PDK4: variants seen among roughly 807,000 people sequenced by gnomAD.
PDK4 encodes pyruvate dehydrogenase kinase 4.
A neutral mutation model predicts 51.7 loss-of-function variants in PDK4; 43 were observed. That is an observed-to-expected ratio of 0.83 (90% CI 0.65 to 1.07). PDK4 has a LOEUF of 1.07. Ranked by LOEUF, PDK4 falls within the 50% of genes least tolerant of loss-of-function variation. PDK4 has a pLI of 0.00. For synonymous variants in PDK4, 170 were observed against 176.6 expected (o/e 0.96, Z 0.30); for missense variants, 498 against 503.5 (o/e 0.99, Z 0.10).
chr7:95,593,911 G>A, intron 2 of PDK4, 141 bp from the exon 3 acceptor site: 1 of 420,104 alleles, frequency 2.4e-6, no homozygotes, highest in South Asian at 8.0e-5. Context: ...CAGAACATTT[G>A]GAAAATAATA....
intron 7 of PDK4, 99 bp from the exon 8 acceptor site, chr7:95,587,924 A>C (rs1791507634): frequency 1.3e-6 from 1 of 758,678 alleles, no homozygotes; most frequent in African/African-American, 1.8e-5. Context: ...ACAGAGGGTA[A>C]TTCAAAGTTC....
chr7:95,587,782 G>A lies in PDK4; in HGVS notation c.815C>T (p.Ser272Phe). 2 of 1,613,654 alleles carry A rather than the reference G, an allele frequency of 1.2e-6. No homozygotes were observed. The highest frequency in any genetic ancestry group is 1.7e-6 in the Non-Finnish European group (2 of 1,179,606). Residue 272 changes from serine to phenylalanine, a missense_variant, in exon 8 of 11, where the codon TCC becomes TTC. By Grantham distance (155) the Ser-to-Phe change is radical. Transcript: ENST00000005178. ...ATVEHQENQPSLTPIEVIVVL... is the reference protein window; with the variant it reads ...ATVEHQENQPFLTPIEVIVVL... ...AACAATAACCTCTATTGGTGTAAGGGAAGGCTGATTTTCCTGGTGTTCAAC... is the reference window on the plus strand; with the variant it reads ...AACAATAACCTCTATTGGTGTAAGGAAAGGCTGATTTTCCTGGTGTTCAAC...
At chr7:95,589,277 G>A (rs887784319) in intron 7 of PDK4, among the ~76,000 whole-genome samples, 1 of 152,132 alleles carries the variant, frequency 6.6e-6, no homozygotes, top group Non-Finnish European at 1.5e-5. Context: ...ACCAGCCTGT[G>A]GGGGTGGAGG....
rs761757125 is a variant in PDK4 at position 95,585,626 on chromosome 7, C to G, written c.*15G>C. 6.3e-7 allele frequency: 1 copy of G among 1,599,430 alleles called. No individual in the cohort carries two copies. The highest frequency in any genetic ancestry group is 1.1e-5 in the South Asian group (1 of 89,330). On this transcript the variant is annotated 3_prime_UTR_variant, in exon 11 of 11. Coordinates refer to ENST00000005178, the MANE Select transcript of PDK4 (RefSeq NM_002612.4). ...GACCCACTTTGATCCCGTAAAGTGT[C>G]CTGAGTGTCCCTCTTCACATGGCCA...
At chr7:95,594,290 T>C (rs1185443763) in intron 2 of PDK4, among the ~76,000 whole-genome samples, 1 of 152,220 alleles carries the variant, frequency 6.6e-6, no homozygotes. Context: ...TACCTGTGCA[T>C]ATCCTGCTTC....
chr7:95,589,697 T>C lies in PDK4; in HGVS notation c.714A>G (p.Pro238=). ...TQVNGKFPDQ[P]IHIVYVPSHL... Reference sequence around the variant, plus strand: ...GAGAAGGAACATACACGATGTGAATTGGTTGGTCTGGAAATTTTCCTAGAA... The same window carrying C: ...GAGAAGGAACATACACGATGTGAATCGGTTGGTCTGGAAATTTTCCTAGAA... The change falls in exon 7 of 11, where the codon CCA becomes CCG. Residue 238 remains proline, a synonymous_variant. Coordinates refer to ENST00000005178, the MANE Select transcript of PDK4 (RefSeq NM_002612.4). 1 of 1,582,902 alleles carries C rather than the reference T, an allele frequency of 6.3e-7. No homozygotes were observed. Among genetic ancestry groups the C allele is most frequent in the Non-Finnish European group, 8.7e-7 (1 of 1,152,322 alleles).
rs113782639 is a variant in PDK4, at chr7:95,591,521, A to T, written c.694+467T>A. On this transcript the variant is annotated intron_variant, in intron 6 of 10. Transcript: ENST00000005178. ...ACTACCATTCTACTCTGCTTCTGTG[A>T]GTGTGACCATTTTATACATCTCATA... 1.4e-4 allele frequency among the ~76,000 whole-genome samples: 21 copies of T among 152,258 alleles called. 1 individual carries two copies. Among genetic ancestry groups the T allele is most frequent in the African/African-American group, 5.1e-4 (21 of 41,554 alleles).
At position 95,587,785 on chromosome 7, in the gene PDK4, G is replaced by A; in HGVS notation, c.812C>T (p.Pro271Leu). The change falls in exon 8 of 11, where the codon CCT becomes CTT. Residue 271 changes from proline to leucine, a missense_variant. By Grantham distance (98) the Pro-to-Leu change is moderately conservative. Transcript: ENST00000005178. ...RATVEHQENQ[P>L]SLTPIEVIVV... is the part of the protein sequence containing the mutation. Reference sequence around the variant, plus strand: ...AATAACCTCTATTGGTGTAAGGGAAGGCTGATTTTCCTGGTGTTCAACTGT... The same window carrying A: ...AATAACCTCTATTGGTGTAAGGGAAAGCTGATTTTCCTGGTGTTCAACTGT... 1 of 1,613,632 alleles carries A rather than the reference G, an allele frequency of 6.2e-7. No individual in the cohort carries two copies. Among genetic ancestry groups the A allele is most frequent in the African/African-American group, 1.3e-5 (1 of 75,040 alleles).
intron 1 of PDK4, 98 bp from the exon 2 acceptor site, chr7:95,595,262 T>C (rs1429542411): frequency 5.6e-6 from 4 of 710,454 alleles, no homozygotes; most frequent in Non-Finnish European, 8.8e-6. Context: ...ACATATATTA[T>C]AAAATTATAT....
At chr7:95,589,846 C>T (rs1209194748) in intron 6 of PDK4, 130 bp from the exon 7 acceptor site, 2 of 616,928 alleles carry the variant, frequency 3.2e-6, no homozygotes, top group Non-Finnish European at 5.9e-6. Flanking sequence ...TCCCCAAATC[C>T]TGCCCTAGAA....
chr7:95,595,981 C>G (rs527260202), intron 1 of PDK4, among the ~76,000 whole-genome samples, 183 bp downstream of exon 1: 1 of 152,242 alleles, frequency 6.6e-6, no homozygotes, highest in African/African-American at 2.4e-5. Flanking sequence ...CTGGAGGCAC[C>G]CCTGTCAGAA....
chr7:95,590,553 C>G (rs1435903303), intron 6 of PDK4, among the ~76,000 whole-genome samples: 1 of 152,096 alleles, frequency 6.6e-6, no homozygotes, highest in African/African-American at 2.4e-5. Flanking sequence ...TTATTTTGTC[C>G]AACAGTTGGA....
intron 2 of PDK4, among the ~76,000 whole-genome samples, chr7:95,594,038 AT>A (rs1791584572): frequency 6.6e-6 from 1 of 152,168 alleles, no homozygotes; most frequent in Admixed American, 6.5e-5. Context: ...TGTTTGGCAA[AT>A]ATTTTCATTT....
chr7:95,595,495 A>G (rs1329693943), intron 1 of PDK4, among the ~76,000 whole-genome samples: 1 of 152,172 alleles, frequency 6.6e-6, no homozygotes, highest in African/African-American at 2.4e-5. Flanking sequence ...TCACACCACA[A>G]TGTCAACAAC....
Position 95,589,670 on chromosome 7 carries a change from G to T in PDK4, c.741C>A (p.His247Gln), listed in dbSNP as rs751536162. The T allele has an allele frequency of 1.3e-6, 2 of 1,583,818 alleles. No individual in the cohort carries two copies. Among genetic ancestry groups the T allele is most frequent in the Admixed American group, 1.7e-5 (1 of 59,740 alleles). ...ATAGTTCAAAGAGCATATGATGGAG[G>T]TGAGAAGGAACATACACGATGTGAA... ...QPIHIVYVPS[H>Q]LHHMLFELFK... The change falls in exon 7 of 11, where the codon CAC becomes CAA. Residue 247 changes from histidine (H) to glutamine (Q), a missense_variant. His to Gln is a conservative substitution (Grantham distance 24). Coordinates refer to ENST00000005178, the MANE Select transcript of PDK4 (RefSeq NM_002612.4).
chr7:95,595,049 G>C lies in PDK4; in HGVS notation c.246C>G (p.Thr82=), dbSNP rs1791600603. The C allele has an allele frequency of 6.2e-7, 1 of 1,612,088 alleles. No homozygotes were observed. The highest frequency in any genetic ancestry group is 1.1e-5 in the South Asian group (1 of 90,962). ...IDILPTQLVN[T]SSVQLVKSWY... Reference sequence around the variant, plus strand: ...AGCTTTTAACCAATTGCACTGAAGAGGTATTTACTAATTGGGTCGGGAGGA... The same window carrying C: ...AGCTTTTAACCAATTGCACTGAAGACGTATTTACTAATTGGGTCGGGAGGA... Residue 82 remains threonine (T), a synonymous_variant, in exon 2 of 11, where the codon ACC becomes ACG. Transcript: ENST00000005178.
At chr7:95,593,986 T>G (rs1791584226) in intron 2 of PDK4, among the ~76,000 whole-genome samples, 2 of 152,348 alleles carry the variant, frequency 1.3e-5, no homozygotes, top group South Asian at 4.1e-4. Context: ...GCAAAATGTT[T>G]CTTTAACTAT....
At chr7:95,587,214 G>A in intron 9 of PDK4, 91 bp from the exon 10 acceptor site, 2 of 785,672 alleles carry the variant, frequency 2.5e-6, no homozygotes, top group Non-Finnish European at 4.3e-6. Flanking sequence ...TGATACTAAT[G>A]TCCTAGAACC....
rs1791458409 is a variant in PDK4, at chr7:95,584,785, T to C, written c.*856A>G. On this transcript the variant is annotated 3_prime_UTR_variant, in exon 11 of 11. Coordinates refer to ENST00000005178, the MANE Select transcript of PDK4 (RefSeq NM_002612.4). ...TTCCCTAACACTAGTTTTTCCAATC[T>C]ACTAATTTATTTATAAACAAAGCAA... is the stretch of plus-strand genomic sequence containing the variant. 6.6e-6 allele frequency: 1 copy of C among 152,588 alleles called. No individual in the cohort carries two copies. The highest frequency in any genetic ancestry group is 6.5e-5 in the Admixed American group (1 of 15,282). The allele number at this position is 152,588 out of a possible 1,614,324, so 9.5% of individuals were successfully genotyped here.
Sources: gnomAD v4.1 joint callset for allele counts (sites outside exome capture counted in the v4.1 genomes callset) on GRCh38, gnomAD v4.1.1 for gene constraint, MANE v1.5 for transcripts, NCBI Gene and HGNC (gene_info 2026-07-23, HGNC 2026-07-21) for gene names.